CACNA2D3: variants seen among roughly 807,000 people sequenced by gnomAD.
The protein encoded by CACNA2D3 is voltage-dependent calcium channel subunit alpha-2/delta-3.
A neutral mutation model predicts 160.6 loss-of-function variants in CACNA2D3; 60 were observed. The observed-to-expected ratio is 0.37, with a 90% CI of 0.30 to 0.46. The LOEUF is 0.46. CACNA2D3 is among the 20% of genes least tolerant of loss of function. The pLI, the probability that CACNA2D3 is intolerant of heterozygous loss-of-function variation, is 1.00. For missense variants in CACNA2D3, 1,205 were observed against 1,365.0 expected (o/e 0.88, Z 1.85); for synonymous variants, 558 against 492.9 (o/e 1.13, Z -1.75).
chr3:54,384,764 G>T (rs1215985829), intron 3 of CACNA2D3, among the ~76,000 whole-genome samples: 1 of 152,156 alleles, frequency 6.6e-6, no homozygotes, highest in Admixed American at 6.5e-5. Context: ...CTGTCGCCCA[G>T]GCTGGAATGC....
At chr3:54,231,527 C>G (rs539065928) in intron 2 of CACNA2D3, among the ~76,000 whole-genome samples, 1 of 152,162 alleles carries the variant, frequency 6.6e-6, no homozygotes, top group Non-Finnish European at 1.5e-5. Context: ...AGGCCCTGTC[C>G]TGGGCCAGCC....
chr3:54,286,638 A>G (rs1209813704), intron 2 of CACNA2D3, among the ~76,000 whole-genome samples: 1 of 152,226 alleles, frequency 6.6e-6, no homozygotes, highest in Non-Finnish European at 1.5e-5. Flanking sequence ...CAGATTCACC[A>G]AAGTTGAAAT....
chr3:54,739,248 C>T (rs924574418), intron 11 of CACNA2D3, among the ~76,000 whole-genome samples: 5 of 151,902 alleles, frequency 3.3e-5, no homozygotes, highest in Non-Finnish European at 7.4e-5. Context: ...GGCAAAACCC[C>T]ATCTCTACTA....
intron 8 of CACNA2D3, among the ~76,000 whole-genome samples, chr3:54,572,201 C>G (rs1465095508): frequency 1.3e-5 from 2 of 152,132 alleles, no homozygotes; most frequent in Admixed American, 6.5e-5. Flanking sequence ...ATCAGACTCT[C>G]AGAACAAAAG....
intron 14 of CACNA2D3, among the ~76,000 whole-genome samples, chr3:54,824,592 T>C (rs977494419): frequency 2.0e-5 from 3 of 152,274 alleles, no homozygotes; most frequent in Non-Finnish European, 4.4e-5. Flanking sequence ...CAGCTGGATA[T>C]GGAGTGGAGG....
intron 2 of CACNA2D3, among the ~76,000 whole-genome samples, chr3:54,228,026 G>A (rs1701706248): frequency 1.3e-5 from 2 of 152,116 alleles, no homozygotes; most frequent in Admixed American, 6.5e-5. Context: ...GCATGGTCTC[G>A]GTCCAGCAGA....
chr3:54,892,221 A>C (rs1233400520), intron 25 of CACNA2D3, among the ~76,000 whole-genome samples: 1 of 152,130 alleles, frequency 6.6e-6, no homozygotes, highest in Admixed American at 6.5e-5. Context: ...CAAGATTCAG[A>C]AAGTTAGAGA....
chr3:54,122,985 GGGC>G (rs1308598245), intron 1 of CACNA2D3, 150 bp downstream of exon 1: 1 of 698,426 alleles, frequency 1.4e-6, no homozygotes, highest in Non-Finnish European at 1.9e-6. Flanking sequence ...GACCCGCGTC[GGGC>G]GGCGAGGCCG....
intron 4 of CACNA2D3, among the ~76,000 whole-genome samples, chr3:54,410,963 A>C (rs984044327): frequency 6.6e-6 from 1 of 152,200 alleles, no homozygotes; most frequent in Non-Finnish European, 1.5e-5. Context: ...ATTAACAAGA[A>C]TTTGTCAGAG....
At chr3:55,007,699 G>T in intron 32 of CACNA2D3, 91 bp from the exon 33 acceptor site, 1 of 790,346 alleles carries the variant, frequency 1.3e-6, no homozygotes, top group Non-Finnish European at 2.0e-6. Flanking sequence ...CTCTCTAGAA[G>T]AATAACATTG....
At chr3:54,253,914 C>G (rs1051214710) in intron 2 of CACNA2D3, among the ~76,000 whole-genome samples, 3 of 151,828 alleles carry the variant, frequency 2.0e-5, no homozygotes, top group Non-Finnish European at 4.4e-5. Flanking sequence ...ATTATAGGTG[C>G]CTGCCACCAC....
chr3:54,430,340 T>A (rs1409898532), intron 4 of CACNA2D3, among the ~76,000 whole-genome samples: 3 of 152,236 alleles, frequency 2.0e-5, no homozygotes. Context: ...ATCAAAGTGT[T>A]AAAAATATTG....
At chr3:54,267,129 A>G (rs888193601) in intron 2 of CACNA2D3, among the ~76,000 whole-genome samples, 2 of 152,228 alleles carry the variant, frequency 1.3e-5, no homozygotes, top group African/African-American at 4.8e-5. Context: ...GTTGATGTTT[A>G]GACATTTCCA....
intron 18 of CACNA2D3, among the ~76,000 whole-genome samples, chr3:54,871,914 C>T (rs1156459897): frequency 1.3e-5 from 2 of 152,238 alleles, no homozygotes; most frequent in African/African-American, 4.8e-5. Context: ...GCCTTCTTCC[C>T]AGTACAGTGG....
intron 17 of CACNA2D3, among the ~76,000 whole-genome samples, chr3:54,860,562 G>C (rs755060141): frequency 7.2e-5 from 11 of 152,206 alleles, no homozygotes; most frequent in Non-Finnish European, 1.3e-4. Context: ...TATATTTAAA[G>C]GGAAGATTCA....
At chr3:55,012,444 C>T (rs540282472) in intron 34 of CACNA2D3, among the ~76,000 whole-genome samples, 21 of 152,274 alleles carry the variant, frequency 1.4e-4, no homozygotes, top group African/African-American at 4.3e-4. Context: ...TTCATGTCTG[C>T]TTTCACTCCC....
intron 17 of CACNA2D3, among the ~76,000 whole-genome samples, chr3:54,848,663 A>T (rs2106778726): frequency 6.6e-6 from 1 of 152,302 alleles, no homozygotes; most frequent in Middle Eastern, 3.4e-3. Flanking sequence ...CTCTGACTTG[A>T]GTTCTGCATT....
At chr3:54,585,848 A>C (rs1206528883) in intron 9 of CACNA2D3, among the ~76,000 whole-genome samples, 1 of 152,156 alleles carries the variant, frequency 6.6e-6, no homozygotes, top group Admixed American at 6.5e-5. Flanking sequence ...GACACAGCCA[A>C]AATATATCAC....
At chr3:54,385,979 T>C (rs1464852919) in intron 3 of CACNA2D3, 2 of 505,362 alleles carry the variant, frequency 4.0e-6, no homozygotes, top group South Asian at 2.9e-5. Context: ...AAATATCTTA[T>C]TGTAGGCAAA....
Sources: gnomAD v4.1 joint callset for allele counts (sites outside exome capture counted in the v4.1 genomes callset) on GRCh38, gnomAD v4.1.1 for gene constraint, MANE v1.5 for transcripts, NCBI Gene and HGNC (gene_info 2026-07-23, HGNC 2026-07-21) for gene names.